LHFPL2: variants seen among roughly 807,000 people sequenced by gnomAD.
LHFPL2 encodes the protein LHFPL tetraspan subfamily member 2 protein.
A neutral mutation model predicts 17.5 loss-of-function variants in LHFPL2; 7 were observed. That is an observed-to-expected ratio of 0.40 (90% CI 0.23 to 0.75). The LOEUF (loss-of-function observed/expected upper bound fraction) is 0.75. Ranked by LOEUF, LHFPL2 falls within the 30% of genes least tolerant of loss-of-function variation. LHFPL2 has a pLI of 0.37. For synonymous variants in LHFPL2, 134 were observed against 116.2 expected (o/e 1.15, Z -0.99); for missense variants, 241 against 294.8 (o/e 0.82, Z 1.34).
Position 78,575,300 on chromosome 5 carries a change from G to A in LHFPL2, c.-244-10429C>T, listed in dbSNP as rs557716889. On this transcript the variant is annotated intron_variant, in intron 2 of 4. Transcript: ENST00000380345. Reference sequence around the variant, plus strand: ...ACAGTGGCCCTCCCATGTAATCCCAGCACTTTGGGAGGCCGAGGTGCGTGG... The same window carrying A: ...ACAGTGGCCCTCCCATGTAATCCCAACACTTTGGGAGGCCGAGGTGCGTGG... Among the ~76,000 whole-genome samples, 154 of 152,336 alleles carry A rather than the reference G, an allele frequency of 1.0e-3. 6 individuals carry two copies. In the South Asian group the frequency reaches 0.031, roughly 31 times the overall value.
intron 3 of LHFPL2, among the ~76,000 whole-genome samples, chr5:78,530,523 G>A (rs17215893): frequency 0.37 from 56,212 of 152,056 alleles, 11,057 homozygotes; most frequent in Middle Eastern, 0.46. Context: ...TCCTCAAAGC[G>A]TCCATCATGG....
At chr5:78,594,634 G>C (rs1703411710) in intron 2 of LHFPL2, among the ~76,000 whole-genome samples, 1 of 152,154 alleles carries the variant, frequency 6.6e-6, no homozygotes, top group Non-Finnish European at 1.5e-5. Context: ...TACACTGTTT[G>C]GGTAGGGATT....
At position 78,585,115 on chromosome 5, in the gene LHFPL2, T is replaced by C. The variant is rs1325442381; in HGVS notation, c.-244-20244A>G. 1.9e-5 allele frequency among the ~76,000 whole-genome samples: 2 copies of C among 103,878 alleles called. 1 individual carries two copies. Among genetic ancestry groups the C allele is most frequent in the African/African-American group, 6.8e-5 (2 of 29,402 alleles). 68.1% of individuals were successfully genotyped at this position (103,878 alleles called of 152,430 possible). Reference sequence around the variant, plus strand: ...TCCACCTCCCGGGTTCACGCCATTCTCCTGCCTCAGCCTCCCAAGTAGCTG... The same window carrying C: ...TCCACCTCCCGGGTTCACGCCATTCCCCTGCCTCAGCCTCCCAAGTAGCTG... On this transcript the variant is annotated intron_variant, in intron 2 of 4. Transcript: ENST00000380345.
chr5:78,589,590 T>G (rs2112458246), intron 2 of LHFPL2, among the ~76,000 whole-genome samples: 1 of 152,302 alleles, frequency 6.6e-6, no homozygotes, highest in African/African-American at 2.4e-5. Flanking sequence ...GTGTCTACTC[T>G]TGCCCGCCTT....
chr5:78,519,650 T>A (rs2162723), intron 3 of LHFPL2, among the ~76,000 whole-genome samples: 62,971 of 152,076 alleles, frequency 0.41, 13,498 homozygotes, highest in African/African-American at 0.51. Context: ...CGCATAGGGA[T>A]GTTGTGAGGA....
At chr5:78,616,276 G>A (rs538213057) in intron 2 of LHFPL2, among the ~76,000 whole-genome samples, 113 of 152,162 alleles carry the variant, frequency 7.4e-4, no homozygotes, top group African/African-American at 2.4e-3. Context: ...ACTGGTGCCC[G>A]CCACCTCACC....
chr5:78,644,721 CT>C, intron 1 of LHFPL2: 1 of 244,196 alleles, frequency 4.1e-6, no homozygotes, highest in South Asian at 6.5e-5. Context: ...CTGAGCATTT[CT>C]TAGAAAACTC....
intron 2 of LHFPL2, among the ~76,000 whole-genome samples, chr5:78,591,900 T>A (rs13169228): frequency 0.41 from 62,077 of 152,064 alleles, 12,969 homozygotes; most frequent in Middle Eastern, 0.48. Flanking sequence ...GTTTTCTTAT[T>A]GTTCTTTCTG....
intron 3 of LHFPL2, among the ~76,000 whole-genome samples, chr5:78,533,787 A>T (rs1004968512): frequency 6.6e-6 from 1 of 152,208 alleles, no homozygotes; most frequent in Non-Finnish European, 1.5e-5. Context: ...CATTCCCAGA[A>T]CTGAAGCTGT....
At chr5:78,630,232 G>A (rs1001441496) in intron 2 of LHFPL2, among the ~76,000 whole-genome samples, 1 of 152,106 alleles carries the variant, frequency 6.6e-6, no homozygotes, top group African/African-American at 2.4e-5. Context: ...CTAGAAGCTC[G>A]GTAAACTGCA....
chr5:78,485,365 C>G lies in LHFPL2; in HGVS notation c.*3532G>C, dbSNP rs1439686748. 3 of 152,602 alleles carry G rather than the reference C, an allele frequency of 2.0e-5. No individual in the cohort carries two copies. The highest frequency in any genetic ancestry group is 7.2e-5 in the African/African-American group (3 of 41,450). 9.5% of individuals were successfully genotyped at this position (152,602 alleles called of 1,614,324 possible). The stretch of plus-strand genomic sequence containing the variant: ...TAGGATAACTACAAGTTTGAAGGCT[C>G]AAATTGAGTCCATCAGCTGTAAATA... On this transcript the variant is annotated 3_prime_UTR_variant, in exon 5 of 5. Transcript: ENST00000380345.
rs564369901 is a variant in LHFPL2, at chr5:78,571,525, A to T, written c.-244-6654T>A. On this transcript the variant is annotated intron_variant, in intron 2 of 4. Coordinates refer to ENST00000380345, the MANE Select transcript of LHFPL2 (RefSeq NM_005779.3). ...CTAACTCCCTGTTTCAAGTCCATCCACTCATCTCATGGCTCACATTTACAA... is the reference window on the plus strand; with the variant it reads ...CTAACTCCCTGTTTCAAGTCCATCCTCTCATCTCATGGCTCACATTTACAA... Among the ~76,000 whole-genome samples the T allele has an allele frequency of 1.3e-4, 20 of 151,848 alleles. No homozygotes were observed. In the East Asian group the frequency reaches 3.5e-3, roughly 27 times the overall value.
In LHFPL2 at chr5:78,549,184, C is replaced by G. The variant is rs556246802; in HGVS notation, c.-186+15629G>C. 3 of 152,218 alleles carry G rather than the reference C, an allele frequency of 2.0e-5. No individual in the cohort carries two copies. The South Asian group carries it at 6.2e-4, about 32-fold the overall frequency. 9.4% of individuals were successfully genotyped at this position (152,218 alleles called of 1,614,324 possible). A position where few individuals can be genotyped will look rare whatever the true frequency, so the allele number is the denominator to read the frequency against. ...TGAATGCTGCCTGCCAACAGGGGAA[C>G]CTTGGCTCTCCTCTGCAGGCCCCTT... On this transcript the variant is annotated intron_variant, in intron 3 of 4. Coordinates refer to ENST00000380345, the MANE Select transcript of LHFPL2 (RefSeq NM_005779.3).
intron 4 of LHFPL2, among the ~76,000 whole-genome samples, chr5:78,504,917 G>A (rs189207402): frequency 3.4e-4 from 52 of 152,338 alleles, no homozygotes; most frequent in African/African-American, 1.2e-3. Flanking sequence ...CAGAGGGCTG[G>A]AGGGAGTAGA....
intron 3 of LHFPL2, among the ~76,000 whole-genome samples, chr5:78,560,571 G>C (rs1289232080): frequency 6.6e-6 from 1 of 152,194 alleles, no homozygotes; most frequent in Non-Finnish European, 1.5e-5. Context: ...CATATCCTAG[G>C]GAGTGGTTGT....
At chr5:78,542,964 T>C (rs1282916763) in intron 3 of LHFPL2, among the ~76,000 whole-genome samples, 15 of 152,170 alleles carry the variant, frequency 9.9e-5, no homozygotes, top group African/African-American at 3.6e-4. Flanking sequence ...AAGAAATTAT[T>C]TTTTCCTAAC....
chr5:78,504,682 C>CT (rs1754879225), intron 4 of LHFPL2, among the ~76,000 whole-genome samples: 2 of 152,152 alleles, frequency 1.3e-5, no homozygotes, highest in Non-Finnish European at 2.9e-5. Flanking sequence ...CCTTTTATTG[C>CT]TTTTTTTCAT....
At chr5:78,548,253 C>T (rs1450946864) in intron 3 of LHFPL2, among the ~76,000 whole-genome samples, 2 of 152,244 alleles carry the variant, frequency 1.3e-5, no homozygotes, top group African/African-American at 4.8e-5. Flanking sequence ...ACAGTCTGCA[C>T]TTCCACGTAA....
At chr5:78,629,628 T>C (rs545395283) in intron 2 of LHFPL2, among the ~76,000 whole-genome samples, 1 of 152,356 alleles carries the variant, frequency 6.6e-6, no homozygotes, top group East Asian at 1.9e-4. Flanking sequence ...GTGCCATGTA[T>C]TAATCTTTGT....
Sources: gnomAD v4.1 joint callset for allele counts (sites outside exome capture counted in the v4.1 genomes callset) on GRCh38, gnomAD v4.1.1 for gene constraint, MANE v1.5 for transcripts, NCBI Gene and HGNC (gene_info 2026-07-23, HGNC 2026-07-21) for gene names.